AFAP1L1: variants seen among roughly 807,000 people sequenced by gnomAD.
AFAP1L1 encodes the protein actin filament-associated protein 1-like 1.
In AFAP1L1, 77 loss-of-function variants were observed where a neutral mutation model predicts 99.8. The observed-to-expected ratio is 0.77, with a 90% CI of 0.64 to 0.93. The LOEUF (loss-of-function observed/expected upper bound fraction) is 0.93. AFAP1L1 is among the 40% of genes least tolerant of loss of function. The probability of loss-of-function intolerance (pLI) is 0.00; values close to 1 mark genes in which losing one functional copy is unlikely to be tolerated. For synonymous variants in AFAP1L1, 373 were observed against 395.3 expected (o/e 0.94, Z 0.67); for missense variants, 893 against 996.8 (o/e 0.90, Z 1.40).
chr5:149,326,552 A>T (rs1481226786), intron 15 of AFAP1L1, among the ~76,000 whole-genome samples: 2 of 118,088 alleles, frequency 1.7e-5, no homozygotes, highest in African/African-American at 2.6e-5. Flanking sequence ...AAATAAAAAA[A>T]AAAAAAAAAA....
At chr5:149,295,318 C>G (rs1368417010) in intron 1 of AFAP1L1, among the ~76,000 whole-genome samples, 2 of 152,076 alleles carry the variant, frequency 1.3e-5, no homozygotes, top group African/African-American at 4.8e-5. Flanking sequence ...AGGAAGGAAA[C>G]AAAAAAGGTA....
At chr5:149,273,301 T>A (rs1305841303) in intron 1 of AFAP1L1, among the ~76,000 whole-genome samples, 1 of 151,682 alleles carries the variant, frequency 6.6e-6, no homozygotes, top group Non-Finnish European at 1.5e-5. Flanking sequence ...TCTGCCTGTT[T>A]GCTGTGCTGA....
At position 149,317,729 on chromosome 5, in the gene AFAP1L1, G is replaced by A; in HGVS notation, c.1268G>A (p.Gly423Asp). The A allele has an allele frequency of 1.2e-6, 2 of 1,613,770 alleles. No homozygotes were observed. The highest frequency in any genetic ancestry group is 1.7e-6 in the Non-Finnish European group (2 of 1,179,904). The change falls in exon 12 of 19, where the codon GGC becomes GAC. Residue 423 changes from glycine (G) to aspartate (D), a missense_variant and splice_region_variant. Physicochemically the swap from Gly to Asp is moderately conservative, Grantham distance 94. Coordinates refer to ENST00000296721, the MANE Select transcript of AFAP1L1 (RefSeq NM_152406.4). ...SSTEEEVPCC[G>D]YLNVLVNQGW... Reference sequence around the variant, plus strand: ...AACCTCACACCATTGTCTCCTCCAGGCTACCTGAACGTGCTGGTGAACCAG... The same window carrying A: ...AACCTCACACCATTGTCTCCTCCAGACTACCTGAACGTGCTGGTGAACCAG...
At chr5:149,298,205 C>G (rs1756076373) in intron 1 of AFAP1L1, among the ~76,000 whole-genome samples, 1 of 152,170 alleles carries the variant, frequency 6.6e-6, no homozygotes, top group South Asian at 2.1e-4. Context: ...GGGAACAGCA[C>G]ATGGAGTTAG....
intron 1 of AFAP1L1, among the ~76,000 whole-genome samples, chr5:149,277,325 T>C (rs1415191289): frequency 6.6e-6 from 1 of 152,244 alleles, no homozygotes; most frequent in Non-Finnish European, 1.5e-5. Flanking sequence ...AATGAGATTT[T>C]CATTGCTCAA....
intron 1 of AFAP1L1, among the ~76,000 whole-genome samples, chr5:149,297,747 C>T (rs889113539): frequency 2.0e-5 from 3 of 152,192 alleles, no homozygotes; most frequent in South Asian, 2.1e-4. Context: ...AGAGCACCCA[C>T]ACTGAGCAGG....
At chr5:149,292,589 C>T (rs1006800423) in intron 1 of AFAP1L1, among the ~76,000 whole-genome samples, 1 of 152,150 alleles carries the variant, frequency 6.6e-6, no homozygotes, top group African/African-American at 2.4e-5. Context: ...GAATAATTAT[C>T]CTTCATCTTG....
At chr5:149,307,969 A>C (rs1016852170) in intron 7 of AFAP1L1, among the ~76,000 whole-genome samples, 1 of 152,092 alleles carries the variant, frequency 6.6e-6, no homozygotes, top group African/African-American at 2.4e-5. Context: ...CAGCCTGGCC[A>C]ACATGGTGAA....
At chr5:149,338,899 C>T (rs1425127371) in intron 18 of AFAP1L1, among the ~76,000 whole-genome samples, 1 of 152,150 alleles carries the variant, frequency 6.6e-6, no homozygotes, top group East Asian at 1.9e-4. Context: ...TGGGAAAAAG[C>T]TTGGCATGTT....
In AFAP1L1 at chr5:149,330,929, AT is replaced by A. The variant is rs1179183522; in HGVS notation, c.1975+1108del. Among the ~76,000 whole-genome samples, 6 of 151,830 alleles carry A rather than the reference AT, an allele frequency of 4.0e-5. No individual in the cohort carries two copies. The East Asian group carries it at 5.8e-4, about 15-fold the overall frequency. On this transcript the variant is annotated intron_variant, in intron 16 of 18. Transcript: ENST00000296721. Reference sequence around the variant, plus strand: ...TACATGGTAAGCATTTTTAAAAAAAATTTTTTTTTAATTTTTGCATTAAAAT... The same window carrying A: ...TACATGGTAAGCATTTTTAAAAAAAATTTTTTTTAATTTTTGCATTAAAAT...
At position 149,343,579 on chromosome 5, in the gene AFAP1L1, AG is replaced by A. The variant is rs1189717911; in HGVS notation, c.*3550del. 6.6e-6 allele frequency among the ~76,000 whole-genome samples: 1 copy of A among 152,198 alleles called. No homozygotes were observed. The highest frequency in any genetic ancestry group is 1.5e-5 in the Non-Finnish European group (1 of 68,040). On this transcript the variant is annotated 3_prime_UTR_variant, in exon 19 of 19. Transcript: ENST00000296721. The stretch of plus-strand genomic sequence containing the variant: ...AGACACCTCATGAAGCTCACATTCT[AG>A]TTGGAGGAAAAAACCTTAACAAGGA...
At chr5:149,272,118 G>A in intron 1 of AFAP1L1, 134 bp downstream of exon 1, 1 of 950,136 alleles carries the variant, frequency 1.1e-6, no homozygotes, top group Non-Finnish European at 1.4e-6. Context: ...GGAGGGGACT[G>A]GGAGACGCGG....
Position 149,312,097 on chromosome 5 carries a change from G to A in AFAP1L1, c.928-15G>A. 6.2e-7 allele frequency: 1 copy of A among 1,611,830 alleles called. No individual in the cohort carries two copies. Among genetic ancestry groups the A allele is most frequent in the Non-Finnish European group, 8.5e-7 (1 of 1,179,112 alleles). ...TCCCTGCCCACCCGTTCACAGCTGT[G>A]TGTCCTCTTCACAGGTCATCCGAGA... is the stretch of plus-strand genomic sequence containing the variant. On this transcript the variant is annotated splice_polypyrimidine_tract_variant and intron_variant, in intron 8 of 18. Transcript: ENST00000296721.
chr5:149,319,563 T>G lies in AFAP1L1; in HGVS notation c.1480-19T>G, dbSNP rs1756893271. 6.3e-7 allele frequency: 1 copy of G among 1,580,998 alleles called. No individual in the cohort carries two copies. The highest frequency in any genetic ancestry group is 1.2e-5 in the South Asian group (1 of 86,524). On this transcript the variant is annotated intron_variant, in intron 12 of 18. Coordinates refer to ENST00000296721, the MANE Select transcript of AFAP1L1 (RefSeq NM_152406.4). ...TGACAGTAGGAAAATGAACTCCATC[T>G]TTGCCTCCTGTCCTTCAGGCAAGCT...
chr5:149,291,267 G>A (rs748247006), intron 1 of AFAP1L1, among the ~76,000 whole-genome samples: 1 of 152,036 alleles, frequency 6.6e-6, no homozygotes, highest in African/African-American at 2.4e-5. Flanking sequence ...GGTGCCTCAC[G>A]CCTGTAATCC....
At chr5:149,321,350 C>G (rs1380790422) in intron 14 of AFAP1L1, among the ~76,000 whole-genome samples, 2 of 152,194 alleles carry the variant, frequency 1.3e-5, no homozygotes, top group African/African-American at 2.4e-5. Context: ...GGCTGCTGGT[C>G]TTCACTTCCT....
At chr5:149,292,537 T>C (rs570557016) in intron 1 of AFAP1L1, among the ~76,000 whole-genome samples, 1 of 152,114 alleles carries the variant, frequency 6.6e-6, no homozygotes, top group South Asian at 2.1e-4. Context: ...ATATTTTAAA[T>C]AGGTTTCTAA....
intron 9 of AFAP1L1, among the ~76,000 whole-genome samples, chr5:149,315,272 T>A (rs1013003248): frequency 1.4e-4 from 22 of 152,272 alleles, no homozygotes; most frequent in Admixed American, 4.6e-4. Context: ...AGGATCATAA[T>A]GGACTCCTGC....
At chr5:149,317,229 T>C (rs979086096) in intron 11 of AFAP1L1, among the ~76,000 whole-genome samples, 21 of 152,040 alleles carry the variant, frequency 1.4e-4, no homozygotes, top group African/African-American at 5.1e-4. Context: ...TGAATCAGAG[T>C]GCGTTATGGT....
Sources: allele counts gnomAD v4.1 joint callset (sites outside exome capture counted in the v4.1 genomes callset), GRCh38; gene constraint gnomAD v4.1.1; transcripts MANE v1.5; gene names NCBI Gene and HGNC (gene_info 2026-07-23, HGNC 2026-07-21).